NYAP2: variants seen among roughly 807,000 people sequenced by gnomAD.
NYAP2 encodes neuronal tyrosine-phosphorylated phosphoinositide-3-kinase adapter 2.
NYAP2 carries 23 observed loss-of-function variants against 50.4 expected under a neutral mutation model. That is an observed-to-expected ratio of 0.46 (90% CI 0.33 to 0.65). NYAP2 has a LOEUF of 0.65. NYAP2 is among the 30% of genes least tolerant of loss of function. The probability of loss-of-function intolerance (pLI) is 0.02; values close to 1 mark genes in which losing one functional copy is unlikely to be tolerated. For missense variants in NYAP2, 885 were observed against 861.0 expected, an observed-to-expected ratio of 1.03 and a Z score of -0.35; for synonymous variants, 394 against 365.2, an observed-to-expected ratio of 1.08 and a Z score of -0.90.
At chr2:225,686,360 A>C in the NYAP2 span, among the ~76,000 whole-genome samples, 1 of 152,178 alleles carries the variant, frequency 6.6e-6, no homozygotes, top group Non-Finnish European at 1.5e-5. Context: ...TGCAATTAGC[A>C]TCTTATTTCA....
At chr2:225,563,330 G>A (rs757358129) in intron 4 of NYAP2, among the ~76,000 whole-genome samples, 2 of 152,142 alleles carry the variant, frequency 1.3e-5, no homozygotes, top group Non-Finnish European at 2.9e-5. Flanking sequence ...TAGCAAGGGA[G>A]GCAGGGGAGT....
chr2:225,687,721 T>A, the NYAP2 span, among the ~76,000 whole-genome samples: 2 of 152,180 alleles, frequency 1.3e-5, no homozygotes, highest in African/African-American at 4.8e-5. Context: ...TAGACTGTAC[T>A]TGAAATAATT....
chr2:225,545,014 C>G (rs1691547309), intron 4 of NYAP2, among the ~76,000 whole-genome samples: 1 of 152,048 alleles, frequency 6.6e-6, no homozygotes, highest in Admixed American at 6.6e-5. Context: ...TCATGCTACT[C>G]TTTTTTGGCC....
At chr2:225,404,984 C>T (rs1694916365) in intron 2 of NYAP2, among the ~76,000 whole-genome samples, 1 of 152,006 alleles carries the variant, frequency 6.6e-6, no homozygotes, top group Non-Finnish European at 1.5e-5. Flanking sequence ...AAGGAATGCA[C>T]ACACAGTGTT....
chr2:225,439,902 G>A (rs1446114398), intron 3 of NYAP2, among the ~76,000 whole-genome samples: 1 of 152,152 alleles, frequency 6.6e-6, no homozygotes, highest in Non-Finnish European at 1.5e-5. Flanking sequence ...GTTCTGCATG[G>A]CTGGGAGGCC....
intron 3 of NYAP2, among the ~76,000 whole-genome samples, chr2:225,456,329 T>G (rs1308798905): frequency 1.3e-5 from 2 of 152,200 alleles, no homozygotes; most frequent in Non-Finnish European, 2.9e-5. Context: ...GATCTGATAC[T>G]TGCCTTACTG....
At chr2:225,630,772 T>C (rs1388172623) in intron 6 of NYAP2, among the ~76,000 whole-genome samples, 1 of 152,230 alleles carries the variant, frequency 6.6e-6, no homozygotes, top group African/African-American at 2.4e-5. Context: ...GTTTACATCA[T>C]GGAACACCCA....
At chr2:225,458,937 G>T (rs1334057304) in intron 3 of NYAP2, among the ~76,000 whole-genome samples, 4 of 152,152 alleles carry the variant, frequency 2.6e-5, no homozygotes, top group Non-Finnish European at 5.9e-5. Context: ...ATCATGTTTT[G>T]CTTAAACTTT....
chr2:225,515,424 T>C (rs1054934987), intron 4 of NYAP2, among the ~76,000 whole-genome samples: 39 of 152,280 alleles, frequency 2.6e-4, no homozygotes, highest in African/African-American at 9.4e-4. Flanking sequence ...AATACTCAGA[T>C]TGATTGTTTT....
intron 4 of NYAP2, among the ~76,000 whole-genome samples, chr2:225,576,356 TA>T (rs2106225269): frequency 6.6e-6 from 1 of 152,332 alleles, no homozygotes; most frequent in South Asian, 2.1e-4. Flanking sequence ...TACACTTTCT[TA>T]TTCCTACTAT....
chr2:225,568,496 T>G (rs78478506), intron 4 of NYAP2, among the ~76,000 whole-genome samples: 5,637 of 152,288 alleles, frequency 0.037, 330 homozygotes, highest in African/African-American at 0.13. Flanking sequence ...GACTCTTTAG[T>G]GTTATTACAA....
At chr2:225,643,474 A>G (rs1194837717) in intron 6 of NYAP2, among the ~76,000 whole-genome samples, 1 of 151,740 alleles carries the variant, frequency 6.6e-6, no homozygotes, top group Non-Finnish European at 1.5e-5. Context: ...TTTAAGTTTT[A>G]GGGTACATGT....
intron 4 of NYAP2, among the ~76,000 whole-genome samples, chr2:225,554,205 T>C (rs1254753585): frequency 1.3e-5 from 2 of 150,774 alleles, no homozygotes; most frequent in Non-Finnish European, 2.9e-5. Context: ...GTTATTGTTG[T>C]TGTTTTTTTT....
At chr2:225,615,795 C>T (rs1222763852) in intron 5 of NYAP2, among the ~76,000 whole-genome samples, 1 of 152,184 alleles carries the variant, frequency 6.6e-6, no homozygotes, top group Non-Finnish European at 1.5e-5. Flanking sequence ...CAGGCAAGTG[C>T]TGGGGCCTTC....
chr2:225,504,194 C>G (rs1690661214), intron 3 of NYAP2, among the ~76,000 whole-genome samples: 1 of 152,136 alleles, frequency 6.6e-6, no homozygotes, highest in Admixed American at 6.5e-5. Flanking sequence ...AAAATCCAAG[C>G]TTGAGCTGAT....
chr2:225,407,337 C>T (rs1020832482), intron 2 of NYAP2, among the ~76,000 whole-genome samples: 1 of 152,010 alleles, frequency 6.6e-6, no homozygotes, highest in African/African-American at 2.4e-5. Flanking sequence ...AAGTCCATTT[C>T]ATTTGCTAAC....
intron 3 of NYAP2, among the ~76,000 whole-genome samples, chr2:225,436,920 G>C (rs1370728666): frequency 6.6e-6 from 1 of 151,934 alleles, no homozygotes; most frequent in African/African-American, 2.4e-5. Context: ...TCCTTCAAGT[G>C]GGAGCTGGTG....
chr2:225,542,770 C>T (rs1691499310), intron 4 of NYAP2, among the ~76,000 whole-genome samples: 1 of 151,946 alleles, frequency 6.6e-6, no homozygotes, highest in Non-Finnish European at 1.5e-5. Context: ...CAGGATAAGA[C>T]TGGCCTCATT....
At chr2:225,603,662 G>C (rs1037163700) in intron 5 of NYAP2, among the ~76,000 whole-genome samples, 3 of 152,038 alleles carry the variant, frequency 2.0e-5, no homozygotes, top group Non-Finnish European at 4.4e-5. Flanking sequence ...ATGTCTCAAT[G>C]ATTTTTTTGG....
Sources: allele counts gnomAD v4.1 joint callset (sites outside exome capture counted in the v4.1 genomes callset), GRCh38; gene constraint gnomAD v4.1.1; transcripts MANE v1.5; gene names NCBI Gene and HGNC (gene_info 2026-07-23, HGNC 2026-07-21).